SP3: variants seen among roughly 807,000 people sequenced by gnomAD.
SP3 encodes the protein Sp3 transcription factor.
In SP3, 10 loss-of-function variants were observed where a neutral mutation model predicts 70.3. The observed-to-expected ratio is 0.14, with a 90% confidence interval of 0.09 to 0.24. The LOEUF (loss-of-function observed/expected upper bound fraction) is 0.24. SP3 is among the 10% of genes least tolerant of loss of function. SP3 has a pLI of 1.00. For synonymous variants in SP3, 402 were observed against 333.5 expected (o/e 1.21, Z -2.24); for missense variants, 825 against 914.6 (o/e 0.90, Z 1.26).
chr2:173,904,746 C>G lies in SP3; in HGVS notation c.*5195G>C, dbSNP rs886089625. Among the ~76,000 whole-genome samples the G allele has an allele frequency of 6.6e-6, 1 of 152,210 alleles. No individual in the cohort carries two copies. The highest frequency in any genetic ancestry group is 1.5e-5 in the Non-Finnish European group (1 of 68,046). ...TCACGGAAGGTGGCAGAAAGTAATG[C>G]TCAGAGAAGGGATGTAAGTCGGACA... On this transcript the variant is annotated 3_prime_UTR_variant, in exon 7 of 7. Coordinates refer to ENST00000310015, the MANE Select transcript of SP3 (RefSeq NM_003111.5).
Position 173,963,819 on chromosome 2 carries a change from G to A in SP3, c.221C>T (p.Pro74Leu), listed in dbSNP as rs1235503685. Residue 74 changes from proline (P) to leucine (L), a missense_variant, in exon 3 of 7, where the codon CCG (proline) becomes CTG (leucine). Pro to Leu is a moderately conservative substitution (Grantham distance 98, BLOSUM62 -3). Coordinates refer to ENST00000310015, the MANE Select transcript of SP3 (RefSeq NM_003111.5). ...GGCCGCCTCCTCCTCGTCGTCGCCCGGCGATGGCGGCCCTATCTTGCTGCA... is the reference window on the plus strand; with the variant it reads ...GGCCGCCTCCTCCTCGTCGTCGCCCAGCGATGGCGGCCCTATCTTGCTGCA... ...ATCSKIGPPS[P>L]GDDEEEAAAA... is the part of the protein sequence containing the mutation. 7.5e-6 allele frequency: 11 copies of A among 1,471,098 alleles called. No homozygotes were observed. Among genetic ancestry groups the A allele is most frequent in the African/African-American group, 1.5e-5 (1 of 68,494 alleles). 91.1% of individuals were successfully genotyped at this position (1,471,098 alleles called of 1,614,324 possible).
At chr2:173,964,575 G>T (rs1250999072) in intron 1 of SP3, 22 bp from the exon 2 acceptor site, 1 of 674,814 alleles carries the variant, frequency 1.5e-6, no homozygotes, top group Non-Finnish European at 2.8e-6. Context: ...GCGCGGGGGG[G>T]TGGGGGTGGG....
rs1332272264 is a variant in SP3 at position 173,903,386 on chromosome 2, G to A, written c.*6555C>T. On this transcript the variant is annotated 3_prime_UTR_variant, in exon 7 of 7. Coordinates refer to ENST00000310015, the MANE Select transcript of SP3 (RefSeq NM_003111.5). ...TAGGTGGTAAGCGGCAGAACTGGGA[G>A]ACAAGCAAGCCCATGTGTGTCTAAG... 1.3e-5 allele frequency among the ~76,000 whole-genome samples: 2 copies of A among 152,176 alleles called. No individual in the cohort carries two copies.
chr2:173,938,482 A>AAAAG (rs1328763265), intron 4 of SP3, among the ~76,000 whole-genome samples: 1 of 148,672 alleles, frequency 6.7e-6, no homozygotes, highest in Admixed American at 6.7e-5. Context: ...AAAAAAAAAA[A>AAAAG]GCAACCAAAC....
rs1349314406 is a variant in SP3 at position 173,955,229 on chromosome 2, C to A, written c.1283G>T (p.Gly428Val). Reference protein sequence around the residue: ...PQTIHGVQASGQNISQQALQN... With the variant: ...PQTIHGVQASVQNISQQALQN... ...CAAAGCCTGTTGTGATATATTTTGA[C>A]CACTGGCTTGCACACCATGGATTGT... The change falls in exon 4 of 7, where the codon GGT (glycine) becomes GTT (valine). Residue 428 changes from glycine to valine, a missense_variant. Coordinates refer to ENST00000310015, the MANE Select transcript of SP3 (RefSeq NM_003111.5). 6.2e-7 allele frequency: 1 copy of A among 1,614,128 alleles called. No homozygotes were observed. The highest frequency in any genetic ancestry group is 1.7e-5 in the Admixed American group (1 of 60,002).
Position 173,902,388 on chromosome 2 carries a change from T to C in SP3, c.*7553A>G, listed in dbSNP as rs1404548717. Among the ~76,000 whole-genome samples, 1 of 152,200 alleles carries C rather than the reference T, an allele frequency of 6.6e-6. No individual in the cohort carries two copies. Among genetic ancestry groups the C allele is most frequent in the African/African-American group, 2.4e-5 (1 of 41,446 alleles). On this transcript the variant is annotated 3_prime_UTR_variant, in exon 7 of 7. Coordinates refer to ENST00000310015, the MANE Select transcript of SP3 (RefSeq NM_003111.5). ...ATAAATGGCTGGTAGGAATATAATT[T>C]GGTATGCATGTTATGGAGATCAATT...
In SP3 at chr2:173,956,134, T is replaced by C. The variant is rs765948309; in HGVS notation, c.378A>G (p.Leu126=). 6.2e-7 allele frequency: 1 copy of C among 1,614,194 alleles called. No individual in the cohort carries two copies. Among genetic ancestry groups the C allele is most frequent in the Admixed American group, 1.7e-5 (1 of 60,024 alleles). Residue 126 remains leucine, a synonymous_variant, in exon 4 of 7, where the codon CTA becomes CTG. Transcript: ENST00000310015. ...PTTIKDEAGN[L]VQIPSAATSS... ...AAGTAGCAGCACTTGGAATCTGGAC[T>C]AGATTACCAGCTTCATCTTTTATAG...
chr2:173,932,243 G>A (rs989523173), intron 4 of SP3, among the ~76,000 whole-genome samples: 3 of 152,188 alleles, frequency 2.0e-5, no homozygotes, highest in Admixed American at 1.3e-4. Context: ...CCAGGCTGGA[G>A]TACAATGGCG....
At chr2:173,950,971 TA>T (rs1411937052) in intron 4 of SP3, among the ~76,000 whole-genome samples, 4 of 152,326 alleles carry the variant, frequency 2.6e-5, no homozygotes, top group South Asian at 2.1e-4. Context: ...AATTCAAATT[TA>T]ATGGCTTTCT....
In SP3 at chr2:173,903,300, A is replaced by G. The variant is rs1689221621; in HGVS notation, c.*6641T>C. ...ACTCTATGAAGATGACGCTAGCATCATTCTCATTTTATAGTTAGAGAACAG... is the reference window on the plus strand; with the variant it reads ...ACTCTATGAAGATGACGCTAGCATCGTTCTCATTTTATAGTTAGAGAACAG... On this transcript the variant is annotated 3_prime_UTR_variant, in exon 7 of 7. Coordinates refer to ENST00000310015, the MANE Select transcript of SP3 (RefSeq NM_003111.5). Among the ~76,000 whole-genome samples, 1 of 152,268 alleles carries G rather than the reference A, an allele frequency of 6.6e-6. No homozygotes were observed. Among genetic ancestry groups the G allele is most frequent in the South Asian group, 2.1e-4 (1 of 4,838 alleles).
At chr2:173,953,298 A>G (rs72913019) in intron 4 of SP3, among the ~76,000 whole-genome samples, 6,692 of 152,344 alleles carry the variant, frequency 0.044, 191 homozygotes, top group South Asian at 0.096. Context: ...AGAACAAGGC[A>G]AACAATTTCT....
intron 6 of SP3, among the ~76,000 whole-genome samples, chr2:173,911,816 T>C (rs1689492720): frequency 1.7e-5 from 1 of 57,928 alleles, no homozygotes; most frequent in Non-Finnish European, 4.1e-5. Flanking sequence ...TATCTACCTT[T>C]TTTTTTTTTT....
rs1689365270 is a variant in SP3 at position 173,907,508 on chromosome 2, CTTTA to C, written c.*2429_*2432del. On this transcript the variant is annotated 3_prime_UTR_variant, in exon 7 of 7. Coordinates refer to ENST00000310015, the MANE Select transcript of SP3 (RefSeq NM_003111.5). ...TAGGGGGCACTAAAAAAATCTACAACTTTATTTAAATAATTTTCAAGACTACTTA... is the reference window on the plus strand; with the variant it reads ...TAGGGGGCACTAAAAAAATCTACAACTTTAAATAATTTTCAAGACTACTTA... 1 of 152,098 alleles carries C rather than the reference CTTTA, an allele frequency of 6.6e-6. No homozygotes were observed. The highest frequency in any genetic ancestry group is 1.5e-5 in the Non-Finnish European group (1 of 67,962). The allele number at this position is 152,098 out of a possible 1,614,324, so 9.4% of individuals were successfully genotyped here. A position where few individuals can be genotyped will look rare whatever the true frequency, so the allele number is the denominator to read the frequency against.
At chr2:173,911,263 T>G (rs899079583) in intron 6 of SP3, among the ~76,000 whole-genome samples, 1 of 151,022 alleles carries the variant, frequency 6.6e-6, no homozygotes, top group African/African-American at 2.5e-5. Context: ...GCAGATGACG[T>G]AACAGTTTAG....
At chr2:173,952,017 A>G (rs2105494575) in intron 4 of SP3, among the ~76,000 whole-genome samples, 2 of 152,210 alleles carry the variant, frequency 1.3e-5, no homozygotes, top group Non-Finnish European at 2.9e-5. Context: ...CTAAAATTCT[A>G]ATTTTCACTG....
At chr2:173,941,422 A>T (rs1341709653) in intron 4 of SP3, among the ~76,000 whole-genome samples, 1 of 152,214 alleles carries the variant, frequency 6.6e-6, no homozygotes, top group Non-Finnish European at 1.5e-5. Flanking sequence ...AGCCTGGTCA[A>T]CGTGGCAAAA....
At chr2:173,927,443 A>G (rs546778886) in intron 4 of SP3, among the ~76,000 whole-genome samples, 10 of 151,796 alleles carry the variant, frequency 6.6e-5, no homozygotes, top group Admixed American at 5.9e-4. Flanking sequence ...CGCCCGGCTA[A>G]TTTTTGTATT....
At chr2:173,916,665 T>G (rs1689624489) in intron 5 of SP3, 1 of 152,124 alleles carries the variant, frequency 6.6e-6, no homozygotes, top group Admixed American at 6.6e-5. Flanking sequence ...AAATTCATTG[T>G]TGGCAAAGGT....
At position 173,963,896 on chromosome 2, in the gene SP3, G is replaced by A. The variant is rs762793961; in HGVS notation, c.157-13C>T. 5 of 1,478,206 alleles carry A rather than the reference G, an allele frequency of 3.4e-6. No individual in the cohort carries two copies. The South Asian group carries it at 3.9e-5, about 12-fold the overall frequency. The allele number at this position is 1,478,206 out of a possible 1,614,324, so 91.6% of individuals were successfully genotyped here. On this transcript the variant is annotated splice_polypyrimidine_tract_variant and intron_variant, in intron 2 of 6. Transcript: ENST00000310015. ...ACGGCTGAGTGTCCTACCCCCAATGGGCGGGTTCAGAGAGGGAGACAGGGG... is the reference window on the plus strand; with the variant it reads ...ACGGCTGAGTGTCCTACCCCCAATGAGCGGGTTCAGAGAGGGAGACAGGGG...
Sources: gnomAD v4.1 joint callset for allele counts (sites outside exome capture counted in the v4.1 genomes callset) on GRCh38, gnomAD v4.1.1 for gene constraint, MANE v1.5 for transcripts, NCBI Gene and HGNC (gene_info 2026-07-23, HGNC 2026-07-21) for gene names.